MICU1: variants seen among roughly 807,000 people sequenced by gnomAD.
MICU1 encodes mitochondrial calcium uptake 1, also known as calcium uptake protein 1, mitochondrial.
In MICU1, 45 loss-of-function variants were observed where a neutral mutation model predicts 56.8. The ratio of observed to expected loss-of-function variants is 0.79; its 90% CI spans 0.62 to 1.02. The LOEUF (loss-of-function observed/expected upper bound fraction) is 1.02, where lower values mean the gene tolerates loss of function less well. Ranked by LOEUF, MICU1 falls within the 50% of genes least tolerant of loss-of-function variation. MICU1 has a pLI of 0.00. For synonymous variants in MICU1, 186 were observed against 195.1 expected (o/e 0.95, Z 0.39); for missense variants, 504 against 587.1 (o/e 0.86, Z 1.46).
At chr10:72,615,766 G>A (rs1841962799) in intron 1 of MICU1, among the ~76,000 whole-genome samples, 1 of 152,046 alleles carries the variant, frequency 6.6e-6, no homozygotes, top group African/African-American at 2.4e-5. Flanking sequence ...CGAGGAGGGT[G>A]GATCACAAGG....
At chr10:72,454,063 T>C (rs924532074) in intron 8 of MICU1, among the ~76,000 whole-genome samples, 1 of 151,712 alleles carries the variant, frequency 6.6e-6, no homozygotes, top group Non-Finnish European at 1.5e-5. Flanking sequence ...CTCAAACTTC[T>C]GACATCAGGT....
chr10:72,505,960 TA>T (rs1867233901), intron 6 of MICU1, among the ~76,000 whole-genome samples: 6 of 81,220 alleles, frequency 7.4e-5, no homozygotes, highest in African/African-American at 2.8e-4. Context: ...GAATCTAAAA[TA>T]AAAGTTGAAA....
chr10:72,472,463 C>T (rs990471559), intron 8 of MICU1, among the ~76,000 whole-genome samples: 2 of 152,174 alleles, frequency 1.3e-5, no homozygotes, highest in African/African-American at 2.4e-5. Context: ...CTTAACCTTT[C>T]CTGATACTTA....
intron 8 of MICU1, among the ~76,000 whole-genome samples, chr10:72,430,717 C>T (rs548430511): frequency 1.7e-4 from 26 of 152,226 alleles, no homozygotes; most frequent in East Asian, 1.4e-3. Context: ...TGCGCCACCA[C>T]GCCTGGCTAA....
chr10:72,486,904 A>G (rs750781645), intron 6 of MICU1, among the ~76,000 whole-genome samples: 7 of 152,236 alleles, frequency 4.6e-5, no homozygotes, highest in African/African-American at 1.2e-4. Flanking sequence ...AACTTGTAAC[A>G]TGTCTGAACA....
chr10:72,533,917 G>A (rs374861238), intron 4 of MICU1, 128 bp from the exon 5 acceptor site: 1 of 621,434 alleles, frequency 1.6e-6, no homozygotes, highest in Non-Finnish European at 2.7e-6. Flanking sequence ...AAAGGCCACA[G>A]GAATGAATAT....
rs187678328 is a variant in MICU1, at chr10:72,387,795, A to T, written c.1181-11923T>A. Among the ~76,000 whole-genome samples the T allele has an allele frequency of 3.8e-3, 552 of 145,372 alleles. 3 individuals are homozygous for T. Among genetic ancestry groups the T allele is most frequent in the African/African-American group, 0.013 (514 of 40,140 alleles). ...GCTTTTTTTTTTTTAAGGATGATTT[A>T]AAAAAAAAAACACTTTTTATGATGT... On this transcript the variant is annotated intron_variant, in intron 10 of 11. Coordinates refer to ENST00000361114, the MANE Select transcript of MICU1 (RefSeq NM_001195518.2).
intron 10 of MICU1, among the ~76,000 whole-genome samples, chr10:72,376,412 G>A (rs548356898): frequency 5.3e-5 from 8 of 152,010 alleles, no homozygotes; most frequent in South Asian, 2.1e-4. Context: ...CTGGCCAGGC[G>A]CGGTGGCTCA....
intron 6 of MICU1, among the ~76,000 whole-genome samples, chr10:72,500,278 ATATATATATATATATATATATATATTTT>A (rs1866995985): frequency 1.6e-4 from 11 of 70,228 alleles, no homozygotes; most frequent in South Asian, 5.0e-4. Flanking sequence ...ATATATATAT[ATATATATATATATATATATATATATTTT>A]TTTTTTTTTT....
chr10:72,436,535 C>G (rs1222220808), intron 8 of MICU1, among the ~76,000 whole-genome samples: 1 of 152,174 alleles, frequency 6.6e-6, no homozygotes, highest in Non-Finnish European at 1.5e-5. Flanking sequence ...TTGCCAGCAA[C>G]AGAACAAAGC....
chr10:72,491,162 C>T (rs184867042), intron 6 of MICU1, among the ~76,000 whole-genome samples: 1 of 152,316 alleles, frequency 6.6e-6, no homozygotes, highest in Admixed American at 6.5e-5. Context: ...TAAACAGTTC[C>T]GTCTCTGGGT....
Position 72,551,174 on chromosome 10 carries a change from C to T in MICU1, c.493+5G>A, listed in dbSNP as rs758016343. On this transcript the variant is annotated splice_donor_5th_base_variant and intron_variant, in intron 4 of 11. Coordinates refer to ENST00000361114, the MANE Select transcript of MICU1 (RefSeq NM_001195518.2). ...ACAGTCTTATATTTCACTTTAGCAA[C>T]TTACGTTCTGGTTGTTTTTCATTGG... The T allele has an allele frequency of 1.9e-5, 31 of 1,595,508 alleles. No individual in the cohort carries two copies. Among genetic ancestry groups the T allele is most frequent in the South Asian group, 3.4e-5 (3 of 88,016 alleles).
intron 1 of MICU1, among the ~76,000 whole-genome samples, chr10:72,610,323 T>A (rs1275443952): frequency 2.0e-5 from 3 of 151,848 alleles, no homozygotes; most frequent in Admixed American, 2.0e-4. Context: ...ACACTTTTTT[T>A]AAAGAAAAAA....
At chr10:72,575,665 C>T (rs1400508602) in intron 1 of MICU1, among the ~76,000 whole-genome samples, 1 of 152,068 alleles carries the variant, frequency 6.6e-6, no homozygotes, top group African/African-American at 2.4e-5. Context: ...GATCAGTGAC[C>T]TTTGGTGTTA....
intron 8 of MICU1, among the ~76,000 whole-genome samples, chr10:72,471,389 C>T (rs778200910): frequency 1.4e-4 from 22 of 152,130 alleles, no homozygotes; most frequent in Admixed American, 1.2e-3. Context: ...CGGCCTTCTA[C>T]GCAGTATGTT....
intron 8 of MICU1, among the ~76,000 whole-genome samples, chr10:72,439,289 A>G (rs1184894346): frequency 1.3e-5 from 2 of 152,194 alleles, no homozygotes; most frequent in Non-Finnish European, 2.9e-5. Flanking sequence ...AACAGAACCA[A>G]TGACAAAAAC....
chr10:72,582,804 C>T lies in MICU1; in HGVS notation c.-1-16010G>A, dbSNP rs533864545. On this transcript the variant is annotated intron_variant, in intron 1 of 11. Coordinates refer to ENST00000361114, the MANE Select transcript of MICU1 (RefSeq NM_001195518.2). Reference sequence around the variant, plus strand: ...GTCTCAAAAAAAAAAAAAAGAACCACTGGGCATTGTGGCACGTGCCTGTAG... The same window carrying T: ...GTCTCAAAAAAAAAAAAAAGAACCATTGGGCATTGTGGCACGTGCCTGTAG... The T allele has an allele frequency of 2.0e-5, 3 of 150,322 alleles. No individual in the cohort carries two copies. The East Asian group carries it at 5.8e-4, about 29-fold the overall frequency. 9.3% of individuals were successfully genotyped at this position (150,322 alleles called of 1,614,324 possible).
chr10:72,452,213 C>CA (rs559592948), intron 8 of MICU1, among the ~76,000 whole-genome samples: 3 of 152,136 alleles, frequency 2.0e-5, no homozygotes, highest in Non-Finnish European at 2.9e-5. Flanking sequence ...TTCGAATACT[C>CA]ACTTTTCTTC....
intron 8 of MICU1, among the ~76,000 whole-genome samples, chr10:72,457,814 C>G (rs1292240241): frequency 2.6e-5 from 4 of 152,118 alleles, no homozygotes; most frequent in African/African-American, 9.7e-5. Flanking sequence ...AGCAAATAAG[C>G]TGCTTCCAAA....
Sources: allele counts gnomAD v4.1 joint callset (sites outside exome capture counted in the v4.1 genomes callset), GRCh38; gene constraint gnomAD v4.1.1; transcripts MANE v1.5; gene names NCBI Gene and HGNC (gene_info 2026-07-23, HGNC 2026-07-21).